The following RCAN1 variants were observed in gnomAD, a reference collection of about 807,000 sequenced individuals.
RCAN1 encodes regulator of calcineurin 1, also known as calcipressin-1.
Under a neutral mutation model 22.9 loss-of-function variants are expected in RCAN1, and 11 were observed. The ratio of observed to expected loss-of-function variants is 0.48; its 90% confidence interval spans 0.30 to 0.79. The LOEUF (loss-of-function observed/expected upper bound fraction) is 0.79, where lower values mean the gene tolerates loss of function less well. Ranked by LOEUF, RCAN1 falls within the 30% of genes least tolerant of loss-of-function variation. The pLI is 0.06. For missense variants in RCAN1, 291 were observed against 337.8 expected, an observed-to-expected ratio of 0.86 and a Z score of 1.09; for synonymous variants, 136 against 142.3, an observed-to-expected ratio of 0.96 and a Z score of 0.32.
chr21:34,537,919 ATGT>A (rs1453342731), intron 1 of RCAN1, among the ~76,000 whole-genome samples: 1 of 152,156 alleles, frequency 6.6e-6, no homozygotes, highest in Non-Finnish European at 1.5e-5. Context: ...CATCTGTGAA[ATGT>A]TGTCTCCCAC....
At chr21:34,536,194 G>C (rs1372664454) in intron 1 of RCAN1, among the ~76,000 whole-genome samples, 1 of 152,222 alleles carries the variant, frequency 6.6e-6, no homozygotes, top group African/African-American at 2.4e-5. Flanking sequence ...TCTACTTAAT[G>C]ACTTGGAGAC....
intron 1 of RCAN1, among the ~76,000 whole-genome samples, chr21:34,542,687 A>G (rs1985967565): frequency 6.6e-6 from 1 of 152,246 alleles, no homozygotes; most frequent in African/African-American, 2.4e-5. Context: ...GTGCAGCAAT[A>G]GTAACTGGAA....
chr21:34,579,738 A>T (rs1987539360), intron 1 of RCAN1, among the ~76,000 whole-genome samples: 1 of 152,188 alleles, frequency 6.6e-6, no homozygotes, highest in African/African-American at 2.4e-5. Flanking sequence ...CGAGAGTCTC[A>T]AAATAGACCC....
intron 1 of RCAN1, among the ~76,000 whole-genome samples, chr21:34,545,569 A>G (rs544790645): frequency 1.6e-3 from 241 of 152,308 alleles, no homozygotes; most frequent in African/African-American, 5.4e-3. Flanking sequence ...CAGGCCAGGC[A>G]CAAAGATCCT....
chr21:34,567,554 CAAAA>C (rs1163824625), intron 1 of RCAN1, among the ~76,000 whole-genome samples: 1 of 70,270 alleles, frequency 1.4e-5, no homozygotes, highest in African/African-American at 4.9e-5. Flanking sequence ...GACTCCATCT[CAAAA>C]AAAAAAAAAA....
chr21:34,521,543 A>G lies in RCAN1; in HGVS notation c.542T>C (p.Val181Ala). 6.2e-7 allele frequency: 1 copy of G among 1,614,182 alleles called. No homozygotes were observed. The stretch of plus-strand genomic sequence containing the variant: ...GGCATATAAGAGATCATAGTTTATG[A>G]CTGGGGTCGCATCTTCCACTTGTTT... ...GWKQVEDATP[V>A]INYDLLYAIS... Residue 181 changes from valine to alanine, a missense_variant, in exon 3 of 4, where the codon GTC (valine) becomes GCC (alanine). Coordinates refer to ENST00000313806, the MANE Select transcript of RCAN1 (RefSeq NM_004414.7).
intron 1 of RCAN1, among the ~76,000 whole-genome samples, chr21:34,586,961 T>TAA (rs111479564): frequency 7.3e-6 from 1 of 137,858 alleles, no homozygotes; most frequent in African/African-American, 2.7e-5. Flanking sequence ...TTTAAAAAAA[T>TAA]AAAAAAAAAA....
At chr21:34,519,393 C>CT (rs1984308251) in intron 3 of RCAN1, among the ~76,000 whole-genome samples, 3 of 114,442 alleles carry the variant, frequency 2.6e-5, no homozygotes, top group South Asian at 3.0e-4. Context: ...TTCTTTCTTT[C>CT]TTTCTTTTTT....
At position 34,518,174 on chromosome 21, in the gene RCAN1, C is replaced by T; in HGVS notation, c.669G>A (p.Glu223=). 1 of 1,614,194 alleles carries T rather than the reference C, an allele frequency of 6.2e-7. No homozygotes were observed. The highest frequency in any genetic ancestry group is 1.1e-5 in the South Asian group (1 of 91,092). The change falls in exon 4 of 4, where the codon GAG becomes GAA. Residue 223 remains glutamate (E), a synonymous_variant. Coordinates refer to ENST00000313806, the MANE Select transcript of RCAN1 (RefSeq NM_004414.7). The surrounding 1 kb of genome is among the most constrained non-coding windows in gnomAD (Gnocchi z 4.2). The part of the protein sequence containing the change: ...VHVCESDQEK[E]EEEEMERMRR... The stretch of plus-strand genomic sequence containing the variant: ...TCATTCTTTCCATTTCCTCTTCTTC[C>T]TCCTTCTCTTGATCACTCTCACATA...
chr21:34,588,387 G>A (rs1987868861), intron 1 of RCAN1, among the ~76,000 whole-genome samples: 1 of 152,018 alleles, frequency 6.6e-6, no homozygotes, highest in South Asian at 2.1e-4. Flanking sequence ...ACCTGATATG[G>A]GTGTGTTTAT....
intron 1 of RCAN1, among the ~76,000 whole-genome samples, chr21:34,586,610 C>T (rs147188715): frequency 8.0e-4 from 121 of 152,176 alleles, no homozygotes; most frequent in Non-Finnish European, 1.5e-4. Flanking sequence ...TAATGATTTA[C>T]ATATTGATCT....
At chr21:34,585,312 G>C (rs1320075710) in intron 1 of RCAN1, among the ~76,000 whole-genome samples, 1 of 152,150 alleles carries the variant, frequency 6.6e-6, no homozygotes, top group Non-Finnish European at 1.5e-5. Context: ...TAAGATATCA[G>C]CTTTAATTTT....
At chr21:34,586,961 TA>T (rs111479564) in intron 1 of RCAN1, among the ~76,000 whole-genome samples, 25 of 137,804 alleles carry the variant, frequency 1.8e-4, no homozygotes, top group East Asian at 8.4e-4. Flanking sequence ...TTTAAAAAAA[TA>T]AAAAAAAAAG....
intron 1 of RCAN1, among the ~76,000 whole-genome samples, chr21:34,594,119 A>C (rs1284144935): frequency 6.6e-6 from 1 of 152,232 alleles, no homozygotes; most frequent in Non-Finnish European, 1.5e-5. Context: ...GATCTGCGTA[A>C]AATAAACAAT....
At chr21:34,541,024 T>C (rs951799824) in intron 1 of RCAN1, among the ~76,000 whole-genome samples, 1 of 152,020 alleles carries the variant, frequency 6.6e-6, no homozygotes, top group Non-Finnish European at 1.5e-5. Context: ...AATCAAGAAA[T>C]ACTAAGCCAT....
intron 1 of RCAN1, among the ~76,000 whole-genome samples, chr21:34,566,811 C>T (rs1178216422): frequency 6.6e-6 from 1 of 152,148 alleles, no homozygotes; most frequent in Non-Finnish European, 1.5e-5. Context: ...GGGGAGCAGG[C>T]GTGTCACATG....
chr21:34,577,607 A>G (rs1211094106), intron 1 of RCAN1, among the ~76,000 whole-genome samples: 1 of 152,096 alleles, frequency 6.6e-6, no homozygotes, highest in Admixed American at 6.6e-5. Context: ...TCAAAAACAA[A>G]CAAACAAACA....
intron 1 of RCAN1, among the ~76,000 whole-genome samples, chr21:34,560,341 T>C (rs981787439): frequency 6.6e-6 from 1 of 152,202 alleles, no homozygotes; most frequent in African/African-American, 2.4e-5. Context: ...TGTGAACTGC[T>C]CCACATAAGC....
chr21:34,521,422 GT>G (rs1213487004), intron 3 of RCAN1, 76 bp downstream of exon 3: 3 of 1,608,174 alleles, frequency 1.9e-6, no homozygotes, highest in Non-Finnish European at 2.5e-6. Context: ...TACGGGGGTA[GT>G]GGTGGTACTG....
Sources: gnomAD v4.1 joint callset for allele counts (sites outside exome capture counted in the v4.1 genomes callset) on GRCh38, gnomAD v4.1.1 for gene constraint, Gnocchi (gnomAD v3.1) non-coding constraint, MANE v1.5 for transcripts, NCBI Gene and HGNC (gene_info 2026-07-23, HGNC 2026-07-21) for gene names.